Variants in HOMER2 observed in about 807,000 individuals in gnomAD.
HOMER2 encodes the protein homer scaffold protein 2, also known as homer protein homolog 2.
Under a neutral mutation model 47.0 loss-of-function variants are expected in HOMER2, and 27 were observed. The observed-to-expected ratio is 0.57, with a 90% confidence interval of 0.42 to 0.79. The LOEUF (loss-of-function observed/expected upper bound fraction) is 0.79, where lower values mean the gene tolerates loss of function less well. Among genes scored for constraint, HOMER2 ranks in the 30% least tolerant of loss-of-function variants. The pLI is 0.00. For synonymous variants in HOMER2, 161 were observed against 163.8 expected (o/e 0.98, Z 0.13); for missense variants, 443 against 435.0 (o/e 1.02, Z -0.16).
intron 1 of HOMER2, among the ~76,000 whole-genome samples, chr15:82,924,912 C>T (rs79545874): frequency 0.031 from 4,670 of 152,310 alleles, 232 homozygotes; most frequent in African/African-American, 0.11. Context: ...GGTCCCTTTA[C>T]TTTGTTCCAT....
At chr15:82,862,613 C>T (rs1318301887) in intron 4 of HOMER2, among the ~76,000 whole-genome samples, 1 of 152,060 alleles carries the variant, frequency 6.6e-6, no homozygotes, top group Non-Finnish European at 1.5e-5. Context: ...TTCATAGGTC[C>T]TCAGAGATTA....
In HOMER2 at chr15:82,914,783, C is replaced by T. The variant is rs187287799; in HGVS notation, c.6-21942G>A. Among the ~76,000 whole-genome samples the T allele has an allele frequency of 2.6e-5, 4 of 152,204 alleles. No homozygotes were observed. The East Asian group carries it at 5.8e-4, about 22-fold the overall frequency. ...CCTGGTGAGGTCGGGGATGGCTTCACAGAGATAATGACAGGACTGAGTCCT... is the reference window on the plus strand; with the variant it reads ...CCTGGTGAGGTCGGGGATGGCTTCATAGAGATAATGACAGGACTGAGTCCT... On this transcript the variant is annotated intron_variant, in intron 1 of 8. Coordinates refer to ENST00000450735, the MANE Select transcript of HOMER2 (RefSeq NM_004839.4).
chr15:82,940,066 G>A (rs185432427), intron 1 of HOMER2, among the ~76,000 whole-genome samples: 64 of 152,230 alleles, frequency 4.2e-4, no homozygotes, highest in Non-Finnish European at 6.2e-4. Flanking sequence ...GAGGCCTGTC[G>A]TGGGGTCGGG....
intron 1 of HOMER2, among the ~76,000 whole-genome samples, chr15:82,907,227 G>T (rs1269451206): frequency 2.0e-5 from 3 of 151,974 alleles, no homozygotes; most frequent in African/African-American, 7.3e-5. Context: ...CATGGTGGCG[G>T]GTGCGTGCAG....
chr15:82,965,662 T>C (rs1379067471), intron 1 of HOMER2, among the ~76,000 whole-genome samples: 1 of 152,100 alleles, frequency 6.6e-6, no homozygotes, highest in Non-Finnish European at 1.5e-5. Flanking sequence ...ATGGGCAATA[T>C]TGGTACCTCC....
chr15:82,857,873 C>T (rs1192588139), intron 5 of HOMER2, among the ~76,000 whole-genome samples: 1 of 152,180 alleles, frequency 6.6e-6, no homozygotes, highest in Non-Finnish European at 1.5e-5. Flanking sequence ...CGAAGCTCAG[C>T]CCAGCCTGTG....
rs929000481 is a variant in HOMER2, at chr15:82,849,473, G to C, written c.*242C>G. 7 of 542,004 alleles carry C rather than the reference G, an allele frequency of 1.3e-5. No individual in the cohort carries two copies. Among genetic ancestry groups the C allele is most frequent in the Non-Finnish European group, 2.0e-5 (6 of 305,486 alleles). The allele number at this position is 542,004 out of a possible 1,614,324, so 33.6% of individuals were successfully genotyped here. On this transcript the variant is annotated 3_prime_UTR_variant, in exon 9 of 9. Coordinates refer to ENST00000450735, the MANE Select transcript of HOMER2 (RefSeq NM_004839.4). ...CTGCCCTGACTGCATAAATGTTGAA[G>C]GTAGACCTAGTTCTGGATTCCTGAG...
At chr15:82,879,869 C>T (rs55975664) in intron 2 of HOMER2, among the ~76,000 whole-genome samples, 349 of 152,230 alleles carry the variant, frequency 2.3e-3, no homozygotes, top group Non-Finnish European at 4.2e-3. Context: ...CCACTACCAA[C>T]AGAATGGATA....
chr15:82,926,541 A>G (rs902543124), intron 1 of HOMER2: 2 of 152,244 alleles, frequency 1.3e-5, no homozygotes, highest in Admixed American at 6.5e-5. Flanking sequence ...TACAAAAATT[A>G]GCTGGGCGTG....
At chr15:82,981,758 C>G (rs978035669) in intron 1 of HOMER2, among the ~76,000 whole-genome samples, 1 of 152,144 alleles carries the variant, frequency 6.6e-6, no homozygotes, top group Non-Finnish European at 1.5e-5. Flanking sequence ...AGTCACAAAA[C>G]AGCATATAAT....
chr15:82,907,430 G>GGAAA (rs202205542), intron 1 of HOMER2, among the ~76,000 whole-genome samples: 89 of 133,600 alleles, frequency 6.7e-4, no homozygotes, highest in African/African-American at 2.0e-3. Flanking sequence ...AGAAAGAGAA[G>GGAAA]GAAAGAAAGA....
chr15:82,961,599 C>G (rs1452944753), intron 1 of HOMER2, among the ~76,000 whole-genome samples: 1 of 152,094 alleles, frequency 6.6e-6, no homozygotes, highest in African/African-American at 2.4e-5. Context: ...CTTGGATATA[C>G]TGTCTCCTAA....
At chr15:82,971,386 C>CGA (rs929820311) in intron 1 of HOMER2, among the ~76,000 whole-genome samples, 2 of 150,576 alleles carry the variant, frequency 1.3e-5, no homozygotes, top group African/African-American at 4.9e-5. Context: ...AGAGAGATAG[C>CGA]GAGAGAGAGA....
At chr15:82,910,994 C>T (rs1424028062) in intron 1 of HOMER2, among the ~76,000 whole-genome samples, 5 of 152,164 alleles carry the variant, frequency 3.3e-5, no homozygotes, top group African/African-American at 1.2e-4. Context: ...AATATAACCA[C>T]CTCAAGGGTT....
chr15:82,962,214 C>G (rs188683932), intron 1 of HOMER2, among the ~76,000 whole-genome samples: 105 of 151,816 alleles, frequency 6.9e-4, no homozygotes, highest in African/African-American at 2.2e-3. Flanking sequence ...ACTAAAAATA[C>G]GAAAAATTAG....
intron 2 of HOMER2, among the ~76,000 whole-genome samples, chr15:82,892,148 A>G (rs546350472): frequency 2.0e-5 from 3 of 152,212 alleles, no homozygotes; most frequent in Non-Finnish European, 4.4e-5. Flanking sequence ...TCCTATGCCT[A>G]ATAACACCAA....
At chr15:82,898,882 TC>T (rs2053024406) in intron 1 of HOMER2, among the ~76,000 whole-genome samples, 2 of 152,242 alleles carry the variant, frequency 1.3e-5, no homozygotes, top group South Asian at 4.1e-4. Flanking sequence ...TTTTCCTACT[TC>T]TATTTGATTT....
intron 1 of HOMER2, among the ~76,000 whole-genome samples, chr15:82,921,479 C>T (rs762417999): frequency 5.3e-5 from 8 of 152,154 alleles, no homozygotes; most frequent in Non-Finnish European, 8.8e-5. Context: ...AAATACCATC[C>T]GCCTACCCTG....
chr15:82,936,327 T>C (rs1183209959), intron 1 of HOMER2, among the ~76,000 whole-genome samples: 1 of 152,224 alleles, frequency 6.6e-6, no homozygotes, highest in African/African-American at 2.4e-5. Flanking sequence ...AGTTATTTTA[T>C]TTGTGGATCC....
Sources: allele counts gnomAD v4.1 joint callset (sites outside exome capture counted in the v4.1 genomes callset), GRCh38; gene constraint gnomAD v4.1.1; transcripts MANE v1.5; gene names NCBI Gene and HGNC (gene_info 2026-07-23, HGNC 2026-07-21).